Variants in GCNT1 observed in about 807,000 individuals in gnomAD.
The protein encoded by GCNT1 is glucosaminyl (N-acetyl) transferase 1.
GCNT1 carries 16 observed loss-of-function variants against 26.2 expected under a neutral mutation model. That is an observed-to-expected ratio of 0.61 (90% CI 0.41 to 0.93). The LOEUF is 0.93. Ranked by LOEUF, GCNT1 falls within the 40% of genes least tolerant of loss-of-function variation. The pLI is 0.00. For missense variants in GCNT1, 477 were observed against 526.7 expected (o/e 0.91, Z 0.92); for synonymous variants, 183 against 190.8 (o/e 0.96, Z 0.34).
At chr9:76,431,616 G>T (rs1823337380) in intron 1 of GCNT1, among the ~76,000 whole-genome samples, 2 of 152,122 alleles carry the variant, frequency 1.3e-5, no homozygotes, top group African/African-American at 4.8e-5. Context: ...ATCTAGGCAT[G>T]ATTGATTTAA....
chr9:76,422,175 C>A (rs1480136634), intron 1 of GCNT1, among the ~76,000 whole-genome samples: 1 of 152,026 alleles, frequency 6.6e-6, no homozygotes, highest in Non-Finnish European at 1.5e-5. Flanking sequence ...ATTATTAATA[C>A]CTCCCACCGG....
intron 1 of GCNT1, among the ~76,000 whole-genome samples, chr9:76,423,297 T>C (rs1258659008): frequency 1.3e-5 from 2 of 152,136 alleles, no homozygotes; most frequent in Non-Finnish European, 2.9e-5. Context: ...ATTGGAGGTG[T>C]TTTGGTCATG....
the GCNT1 span, chr9:76,399,237 G>A: frequency 1.0e-5 from 15 of 1,498,218 alleles, no homozygotes; most frequent in Middle Eastern, 5.7e-4. Context: ...ATGCTGGCTC[G>A]GGAAGTTCTG....
At chr9:76,400,957 GT>G in the GCNT1 span, among the ~76,000 whole-genome samples, 1 of 152,336 alleles carries the variant, frequency 6.6e-6, no homozygotes, top group Non-Finnish European at 1.5e-5. Flanking sequence ...TCTTACACCA[GT>G]TTCCTGTCTG....
the GCNT1 span, among the ~76,000 whole-genome samples, chr9:76,412,794 A>G: frequency 1.6e-4 from 24 of 152,304 alleles, no homozygotes; most frequent in Admixed American, 9.8e-4. Context: ...TCAGACAGCT[A>G]GATACAACCT....
intron 2 of GCNT1, among the ~76,000 whole-genome samples, chr9:76,464,980 A>AT (rs1433647125): frequency 1.5e-4 from 22 of 150,512 alleles, no homozygotes; most frequent in Non-Finnish European, 1.0e-4. Context: ...TTCCAATGAG[A>AT]TTTTTTTGTT....
chr9:76,400,164 CATT>C, the GCNT1 span, among the ~76,000 whole-genome samples: 4 of 152,204 alleles, frequency 2.6e-5, no homozygotes, highest in Non-Finnish European at 4.4e-5. Context: ...GAATATATGA[CATT>C]ATGCATGTAT....
In GCNT1 at chr9:76,444,817, C is replaced by T. The variant is rs73650220; in HGVS notation, c.-290+2502C>T. Among the ~76,000 whole-genome samples the T allele has an allele frequency of 6.7e-3, 1,024 of 152,270 alleles. 9 individuals are homozygous for T. Among genetic ancestry groups the T allele is most frequent in the African/African-American group, 0.023 (959 of 41,558 alleles). On this transcript the variant is annotated intron_variant, in intron 1 of 2. Coordinates refer to the GCNT1 transcript ENST00000442371. ...CTCTTAGCCTGCTGAAGGCAAGGAA[C>T]AGGCGACAACCACAGCACCTTCTTC...
At chr9:76,405,020 T>C in the GCNT1 span, among the ~76,000 whole-genome samples, 7 of 151,862 alleles carry the variant, frequency 4.6e-5, no homozygotes, top group Non-Finnish European at 7.4e-5. Context: ...GGTTTTGCCA[T>C]GTTGACCAGG....
chr9:76,455,782 A>G (rs564628994), upstream of GCNT1, among the ~76,000 whole-genome samples: 26 of 152,170 alleles, frequency 1.7e-4, no homozygotes, highest in African/African-American at 6.3e-4. Flanking sequence ...TTATATTTTT[A>G]GTAGAGACGG....
At chr9:76,427,369 A>G (rs1038860056) in intron 1 of GCNT1, among the ~76,000 whole-genome samples, 3 of 151,978 alleles carry the variant, frequency 2.0e-5, no homozygotes, top group Non-Finnish European at 4.4e-5. Context: ...TTGTAGAGGC[A>G]GCGTTTCACC....
In GCNT1 at chr9:76,487,287, C is replaced by T. The variant is rs1047972496; in HGVS notation, c.-289-13629C>T. Reference sequence around the variant, plus strand: ...CTCCCTCACTTGGGTCACAGTCCTCCGAGATACTGGCATGGCTTTGACATC... The same window carrying T: ...CTCCCTCACTTGGGTCACAGTCCTCTGAGATACTGGCATGGCTTTGACATC... On this transcript the variant is annotated intron_variant, in intron 2 of 3. Transcript: ENST00000376730. Among the ~76,000 whole-genome samples the T allele has an allele frequency of 2.6e-5, 4 of 152,300 alleles. 1 individual carries two copies. The highest frequency in any genetic ancestry group is 6.8e-3 in the Middle Eastern group (2 of 294).
At chr9:76,414,756 G>T in the GCNT1 span, among the ~76,000 whole-genome samples, 1 of 152,158 alleles carries the variant, frequency 6.6e-6, no homozygotes, top group Non-Finnish European at 1.5e-5. Context: ...ATAATGAGAA[G>T]TGAGGACAAC....
chr9:76,445,386 C>T (rs1316776731), intron 1 of GCNT1, among the ~76,000 whole-genome samples: 1 of 151,850 alleles, frequency 6.6e-6, no homozygotes, highest in East Asian at 2.0e-4. Flanking sequence ...GTTTTCCTTT[C>T]CTTATTTATT....
rs188150489 is a variant in GCNT1, at chr9:76,424,195, C to T, written n.38+4308C>T. Among the ~76,000 whole-genome samples the T allele has an allele frequency of 6.5e-3, 997 of 152,222 alleles. 7 individuals are homozygous for T. The highest frequency in any genetic ancestry group is 0.012 in the Admixed American group (185 of 15,268). On this transcript the variant is annotated intron_variant and non_coding_transcript_variant, in intron 1 of 3. Transcript: ENST00000488136. ...TTTTGTTTAATCTTATAAAAAGTAT[C>T]TAGTATTTCAACACTTTAAAAGTCC... is the stretch of plus-strand genomic sequence containing the variant.
chr9:76,412,145 G>C, the GCNT1 span, among the ~76,000 whole-genome samples: 1 of 152,088 alleles, frequency 6.6e-6, no homozygotes, highest in African/African-American at 2.4e-5. Flanking sequence ...ATATTTTTAA[G>C]TCTTCCCTCC....
At chr9:76,485,477 G>C (rs1183284428) in intron 2 of GCNT1, among the ~76,000 whole-genome samples, 1 of 152,008 alleles carries the variant, frequency 6.6e-6, no homozygotes, top group Non-Finnish European at 1.5e-5. Context: ...ATTCTGGCCT[G>C]CACCTGGCCT....
chr9:76,471,916 C>T (rs1049082016), intron 2 of GCNT1, among the ~76,000 whole-genome samples: 2 of 152,120 alleles, frequency 1.3e-5, no homozygotes, highest in Non-Finnish European at 2.9e-5. Flanking sequence ...GATCACAGCT[C>T]ACTGCTGCTT....
intron 1 of GCNT1, among the ~76,000 whole-genome samples, chr9:76,429,966 G>A (rs971094875): frequency 3.8e-4 from 57 of 151,940 alleles, no homozygotes; most frequent in African/African-American, 3.9e-4. Flanking sequence ...TGCCCGCCTC[G>A]GCCTCCCAAA....
Sources: gnomAD v4.1 joint callset for allele counts (sites outside exome capture counted in the v4.1 genomes callset) on GRCh38, gnomAD v4.1.1 for gene constraint, MANE v1.5 for transcripts, NCBI Gene and HGNC (gene_info 2026-07-23, HGNC 2026-07-21) for gene names.